The following ATRNL1 variants were observed in gnomAD, a reference collection of about 807,000 sequenced individuals.
ATRNL1 encodes the protein attractin like 1.
Under a neutral mutation model 182.7 loss-of-function variants are expected in ATRNL1, and 95 were observed. The ratio of observed to expected loss-of-function variants is 0.52; its 90% confidence interval spans 0.44 to 0.62. The LOEUF (loss-of-function observed/expected upper bound fraction) is 0.62. Ranked by LOEUF, ATRNL1 falls within the 20% of genes least tolerant of loss-of-function variation. The pLI is 0.00. For synonymous variants in ATRNL1, 576 were observed against 568.3 expected (o/e 1.01, Z -0.19); for missense variants, 1,471 against 1,679.5 (o/e 0.88, Z 2.17).
At chr10:115,314,523 A>T (rs1192114562) in intron 17 of ATRNL1, among the ~76,000 whole-genome samples, 1 of 152,170 alleles carries the variant, frequency 6.6e-6, no homozygotes, top group African/African-American at 2.4e-5. Flanking sequence ...TGACTAGAAG[A>T]CATCATTCAT....
At chr10:115,765,789 C>T (rs56364264) in intron 27 of ATRNL1, among the ~76,000 whole-genome samples, 2,374 of 152,264 alleles carry the variant, frequency 0.016, 56 homozygotes, top group African/African-American at 0.054. Flanking sequence ...TTTAGGTCTA[C>T]AATTCATTTT....
chr10:115,096,625 T>C (rs1238944461), intron 1 of ATRNL1: 1 of 1,281,270 alleles, frequency 7.8e-7, no homozygotes, highest in African/African-American at 1.5e-5. Context: ...CATGGTAACT[T>C]AGCTTTTTTT....
chr10:115,169,847 G>A (rs1847215700), intron 7 of ATRNL1, among the ~76,000 whole-genome samples: 1 of 151,962 alleles, frequency 6.6e-6, no homozygotes, highest in Non-Finnish European at 1.5e-5. Flanking sequence ...AGAGTATAAG[G>A]TTTGGACTTC....
chr10:115,783,874 G>A (rs936011934), intron 27 of ATRNL1, among the ~76,000 whole-genome samples: 5 of 152,220 alleles, frequency 3.3e-5, no homozygotes, highest in African/African-American at 9.6e-5. Flanking sequence ...TTAGCCAGGC[G>A]TGGTGGCGGG....
chr10:115,221,270 G>C (rs1849453412), intron 9 of ATRNL1, among the ~76,000 whole-genome samples: 1 of 152,110 alleles, frequency 6.6e-6, no homozygotes, highest in African/African-American at 2.4e-5. Context: ...AGAACCCTGG[G>C]ATTATATTGT....
intron 27 of ATRNL1, among the ~76,000 whole-genome samples, chr10:115,776,093 G>T (rs1334529956): frequency 1.3e-5 from 2 of 152,004 alleles, no homozygotes; most frequent in Admixed American, 6.6e-5. Flanking sequence ...CAATTAGTTT[G>T]TAATCTAGGC....
At chr10:115,719,303 C>T (rs782178298) in intron 26 of ATRNL1, among the ~76,000 whole-genome samples, 1 of 152,076 alleles carries the variant, frequency 6.6e-6, no homozygotes, top group Non-Finnish European at 1.5e-5. Flanking sequence ...AACTTCATTT[C>T]TCATTAAGGA....
intron 26 of ATRNL1, among the ~76,000 whole-genome samples, chr10:115,697,142 G>T (rs1946589997): frequency 6.6e-6 from 1 of 152,060 alleles, no homozygotes; most frequent in African/African-American, 2.4e-5. Flanking sequence ...GTTTTGATTT[G>T]CATTTCTCTG....
At chr10:115,559,450 G>GCGCGCGCA (rs1554998460) in intron 26 of ATRNL1, among the ~76,000 whole-genome samples, 10 of 128,620 alleles carry the variant, frequency 7.8e-5, no homozygotes, top group South Asian at 2.4e-4. Flanking sequence ...GTGTGCGCGC[G>GCGCGCGCA]CGCACGCACG....
chr10:115,171,175 G>C lies in ATRNL1; in HGVS notation c.1231G>C (p.Val411Leu), dbSNP rs368688754. The C allele has an allele frequency of 1.9e-6, 3 of 1,611,546 alleles. No individual in the cohort carries two copies. The African/African-American group carries it at 4.0e-5, about 22-fold the overall frequency. Residue 411 changes from valine (V) to leucine (L), a missense_variant, in exon 8 of 29, where the codon GTG becomes CTG. This residue lies in a region of ATRNL1 where 1,031 missense variants were observed against 1,156.0 expected (regional missense o/e 0.89). Coordinates refer to ENST00000355044, the MANE Select transcript of ATRNL1 (RefSeq NM_207303.4). ...TCTTGGACATGGTCAGCAGTATGCT[G>C]TGGAGGGACATTCAGCACATATTAT... ...TVLGHGQQYA[V>L]EGHSAHIMEL...
intron 26 of ATRNL1, among the ~76,000 whole-genome samples, chr10:115,652,717 T>C (rs992965923): frequency 2.6e-5 from 4 of 152,080 alleles, no homozygotes; most frequent in African/African-American, 7.2e-5. Flanking sequence ...TACAGTTTAC[T>C]TTTAAGAGAA....
At chr10:115,515,701 C>T (rs1180280374) in intron 24 of ATRNL1, among the ~76,000 whole-genome samples, 2 of 151,728 alleles carry the variant, frequency 1.3e-5, no homozygotes, top group African/African-American at 4.8e-5. Context: ...TAGTTTGTTT[C>T]TACTTTGTAA....
intron 8 of ATRNL1, among the ~76,000 whole-genome samples, chr10:115,202,705 T>G (rs1848633599): frequency 6.9e-6 from 1 of 144,720 alleles, no homozygotes; most frequent in African/African-American, 2.6e-5. Context: ...TTTTTGGTTG[T>G]GTCTCTGCCC....
At chr10:115,132,875 G>A (rs1845319081) in intron 5 of ATRNL1, among the ~76,000 whole-genome samples, 1 of 152,164 alleles carries the variant, frequency 6.6e-6, no homozygotes, top group Admixed American at 6.5e-5. Context: ...CTCCCATTCT[G>A]TAGGTTGCGT....
chr10:115,911,943 C>CA (rs1555116004), intron 28 of ATRNL1, among the ~76,000 whole-genome samples: 1 of 152,160 alleles, frequency 6.6e-6, no homozygotes, highest in East Asian at 1.9e-4. Flanking sequence ...TCAAAGGAAG[C>CA]CCCCGTATGG....
intron 27 of ATRNL1, among the ~76,000 whole-genome samples, chr10:115,778,388 T>A (rs1318175149): frequency 1.3e-5 from 2 of 152,164 alleles, no homozygotes; most frequent in Non-Finnish European, 2.9e-5. Context: ...AAAGACCAGA[T>A]AAAATGCTAA....
chr10:115,491,889 G>A (rs1325728790), intron 24 of ATRNL1, among the ~76,000 whole-genome samples: 2 of 152,166 alleles, frequency 1.3e-5, no homozygotes, highest in African/African-American at 4.8e-5. Context: ...GACACCAGAG[G>A]GAATCTCCTG....
chr10:115,632,020 G>A (rs1447021620), intron 26 of ATRNL1, among the ~76,000 whole-genome samples: 1 of 152,064 alleles, frequency 6.6e-6, no homozygotes, highest in Non-Finnish European at 1.5e-5. Flanking sequence ...AAATTTAAAT[G>A]CTAGCTAAAA....
chr10:115,452,009 A>G (rs540855177), intron 21 of ATRNL1, among the ~76,000 whole-genome samples: 2 of 152,330 alleles, frequency 1.3e-5, no homozygotes, highest in South Asian at 4.1e-4. Flanking sequence ...ATGCAGGTAC[A>G]GAAAACCAAA....
Sources: allele counts gnomAD v4.1 joint callset (sites outside exome capture counted in the v4.1 genomes callset), GRCh38; gene constraint gnomAD v4.1.1; regional missense constraint gnomAD v4.1.1; transcripts MANE v1.5; gene names NCBI Gene and HGNC (gene_info 2026-07-23, HGNC 2026-07-21).